GALNT1: variants seen among roughly 807,000 people sequenced by gnomAD.
The protein encoded by GALNT1 is polypeptide N-acetylgalactosaminyltransferase 1.
In GALNT1, 17 loss-of-function variants were observed where a neutral mutation model predicts 65.7. The ratio of observed to expected loss-of-function variants is 0.26; its 90% CI spans 0.18 to 0.39. The LOEUF (loss-of-function observed/expected upper bound fraction) is 0.39. Ranked by LOEUF, GALNT1 falls within the 10% of genes least tolerant of loss-of-function variation. The pLI is 1.00. For missense variants in GALNT1, 460 were observed against 672.8 expected (o/e 0.68, Z 3.50); for synonymous variants, 210 against 219.7 (o/e 0.96, Z 0.39).
At chr18:35,594,040 A>G (rs1018102031) in intron 1 of GALNT1, among the ~76,000 whole-genome samples, 7 of 134,930 alleles carry the variant, frequency 5.2e-5, no homozygotes, top group African/African-American at 1.9e-4. Flanking sequence ...TTCAAGTGCA[A>G]TGTCCTGATT....
intron 3 of GALNT1, among the ~76,000 whole-genome samples, chr18:35,669,968 T>C (rs978766585): frequency 1.3e-5 from 2 of 152,134 alleles, no homozygotes; most frequent in African/African-American, 4.8e-5. Flanking sequence ...ATAACAAAAA[T>C]CCAAAAGAAT....
chr18:35,700,028 C>T (rs1271336341), intron 9 of GALNT1, among the ~76,000 whole-genome samples: 1 of 152,170 alleles, frequency 6.6e-6, no homozygotes, highest in Non-Finnish European at 1.5e-5. Flanking sequence ...GCAAACAAAC[C>T]TATTAGGTGG....
rs2047976135 is a variant in GALNT1 at position 35,692,192 on chromosome 18, G to A, written c.1171G>A (p.Val391Ile). 1 of 1,606,966 alleles carries A rather than the reference G, an allele frequency of 6.2e-7. No homozygotes were observed. Among genetic ancestry groups the A allele is most frequent in the African/African-American group, 1.3e-5 (1 of 74,520 alleles). ...ATTTCTTTCAACAGGTGTTACAAAG[G>A]TAGATTATGGAGATATATCGTCAAG... ...FYIISPGVTK[V>I]DYGDISSRVG... Residue 391 changes from valine (V) to isoleucine (I), a missense_variant, in exon 9 of 12, where the codon GTA (valine) becomes ATA (isoleucine). By Grantham distance (29) the Val-to-Ile change is conservative. Transcript: ENST00000269195.
At chr18:35,705,863 C>T (rs565144) in intron 11 of GALNT1, among the ~76,000 whole-genome samples, 56,403 of 151,968 alleles carry the variant, frequency 0.37, 10,905 homozygotes, top group Middle Eastern at 0.54. Context: ...CTTGTGGCCA[C>T]AAGGTGGTTG....
rs763440669 is a variant in GALNT1, at chr18:35,663,818, G to A, written c.314+16G>A. The A allele has an allele frequency of 6.9e-6, 11 of 1,605,370 alleles. No homozygotes were observed. In the South Asian group the frequency reaches 1.2e-4, roughly 18 times the overall value. On this transcript the variant is annotated intron_variant, in intron 3 of 11. Transcript: ENST00000269195. ...GGTTAGAAGGGTAAGTACTTACTGT[G>A]GTCCTGATAGTATGTGAATGAAAAG...
At chr18:35,632,481 A>G (rs1324646599) in intron 1 of GALNT1, among the ~76,000 whole-genome samples, 1 of 152,234 alleles carries the variant, frequency 6.6e-6, no homozygotes, top group Non-Finnish European at 1.5e-5. Context: ...TGGTGCTGGG[A>G]AAACTGGCTA....
intron 1 of GALNT1, among the ~76,000 whole-genome samples, chr18:35,607,711 G>T (rs522926): frequency 6.6e-6 from 1 of 151,588 alleles, no homozygotes; most frequent in African/African-American, 2.4e-5. Context: ...CTATCATATT[G>T]TCATTCCACG....
chr18:35,597,666 C>G (rs937092625), intron 1 of GALNT1: 12 of 152,534 alleles, frequency 7.9e-5, no homozygotes, highest in Non-Finnish European at 1.5e-5. Flanking sequence ...TCTGGGCTAC[C>G]TTGCCTATAT....
chr18:35,636,773 A>G (rs2047094151), intron 1 of GALNT1, among the ~76,000 whole-genome samples: 2 of 143,656 alleles, frequency 1.4e-5, no homozygotes, highest in South Asian at 2.3e-4. Context: ...TACTTCACAG[A>G]TACTACTTTG....
intron 2 of GALNT1, among the ~76,000 whole-genome samples, chr18:35,661,163 CT>C (rs1388786406): frequency 6.6e-6 from 1 of 152,072 alleles, no homozygotes; most frequent in Non-Finnish European, 1.5e-5. Context: ...TAATGCCCCC[CT>C]CCACCATGGA....
intron 11 of GALNT1, among the ~76,000 whole-genome samples, chr18:35,707,581 A>G (rs1481628959): frequency 6.6e-6 from 1 of 152,234 alleles, no homozygotes; most frequent in African/African-American, 2.4e-5. Flanking sequence ...CCTGATGTCG[A>G]ATAGTTAAAT....
At chr18:35,651,790 A>G (rs943260411) in intron 1 of GALNT1, among the ~76,000 whole-genome samples, 27 of 152,250 alleles carry the variant, frequency 1.8e-4, no homozygotes, top group Admixed American at 1.6e-3. Context: ...ACTAGCTTTC[A>G]TTAAACAAAT....
At chr18:35,658,405 A>T (rs1054838916) in intron 2 of GALNT1, among the ~76,000 whole-genome samples, 1 of 152,120 alleles carries the variant, frequency 6.6e-6, no homozygotes, top group Admixed American at 6.5e-5. Context: ...CTAAGGGGAG[A>T]TAATCTTTGA....
intron 1 of GALNT1, among the ~76,000 whole-genome samples, chr18:35,606,861 G>A (rs2046656230): frequency 7.3e-6 from 1 of 137,274 alleles, no homozygotes; most frequent in African/African-American, 2.7e-5. Context: ...GTGTGTGTGT[G>A]TGTGTGTGTG....
chr18:35,634,999 T>C (rs529330977), intron 1 of GALNT1, among the ~76,000 whole-genome samples: 6 of 152,310 alleles, frequency 3.9e-5, no homozygotes, highest in Non-Finnish European at 7.4e-5. Context: ...TATGGCAAAC[T>C]AAATTATTTA....
At chr18:35,683,013 A>G (rs893867012) in intron 4 of GALNT1, among the ~76,000 whole-genome samples, 1 of 151,252 alleles carries the variant, frequency 6.6e-6, no homozygotes, top group African/African-American at 2.4e-5. Context: ...CTCTACAGCT[A>G]TTACATATTC....
intron 1 of GALNT1, among the ~76,000 whole-genome samples, chr18:35,621,602 T>C (rs1024829638): frequency 3.3e-5 from 5 of 152,230 alleles, no homozygotes; most frequent in Admixed American, 3.3e-4. Flanking sequence ...TATCTTATGA[T>C]GTCTTTGGTT....
At chr18:35,596,856 C>G (rs908166292) in intron 1 of GALNT1, 6 of 152,218 alleles carry the variant, frequency 3.9e-5, no homozygotes, top group African/African-American at 1.4e-4. Context: ...CCTCCAGTTC[C>G]AACATGAGCC....
At chr18:35,650,161 G>A (rs544608767) in intron 1 of GALNT1, among the ~76,000 whole-genome samples, 3 of 152,208 alleles carry the variant, frequency 2.0e-5, no homozygotes, top group African/African-American at 7.2e-5. Flanking sequence ...AGAAATAAAC[G>A]GAGAGAGTAC....
Sources: gnomAD v4.1 joint callset for allele counts (sites outside exome capture counted in the v4.1 genomes callset) on GRCh38, gnomAD v4.1.1 for gene constraint, MANE v1.5 for transcripts, NCBI Gene and HGNC (gene_info 2026-07-23, HGNC 2026-07-21) for gene names.